HSF2BP: variants seen among roughly 807,000 people sequenced by gnomAD.
HSF2BP encodes heat shock factor 2-binding protein.
HSF2BP carries 35 observed loss-of-function variants against 35.0 expected under a neutral mutation model. The observed-to-expected ratio is 1.00, with a 90% CI of 0.76 to 1.32. The LOEUF (loss-of-function observed/expected upper bound fraction) is 1.32, where lower values mean the gene tolerates loss of function less well. Ranked by LOEUF, HSF2BP falls within the 40% of genes most tolerant of loss-of-function variation. The pLI, the probability that HSF2BP is intolerant of heterozygous loss-of-function variation, is 0.00. For missense variants in HSF2BP, 326 were observed against 321.7 expected, an observed-to-expected ratio of 1.01 and a Z score of -0.10; for synonymous variants, 114 against 117.4, an observed-to-expected ratio of 0.97 and a Z score of 0.18.
the HSF2BP span, among the ~76,000 whole-genome samples, chr21:43,499,991 A>C: frequency 1.2e-5 from 1 of 82,378 alleles, no homozygotes; most frequent in African/African-American, 6.1e-5. Flanking sequence ...TATACCACAC[A>C]CACACCCACA....
intron 7 of HSF2BP, among the ~76,000 whole-genome samples, chr21:43,599,867 C>CCAA (rs1555860558): frequency 7.5e-6 from 1 of 132,536 alleles, no homozygotes; most frequent in Non-Finnish European, 1.6e-5. Context: ...CTTCCAATGA[C>CCAA]AAAAAAAAAA....
chr21:43,651,493 C>T (rs1379903854), intron 3 of HSF2BP, among the ~76,000 whole-genome samples: 2 of 152,104 alleles, frequency 1.3e-5, no homozygotes, highest in African/African-American at 4.8e-5. Context: ...ATCTTCCACC[C>T]AATTCTTCAA....
At position 43,630,422 on chromosome 21, in the gene HSF2BP, A is replaced by G. The variant is rs2082440814; in HGVS notation, c.474T>C (p.Gly158=). The G allele has an allele frequency of 6.2e-7, 1 of 1,613,004 alleles. No individual in the cohort carries two copies. The highest frequency in any genetic ancestry group is 8.5e-7 in the Non-Finnish European group (1 of 1,179,694). ...DKALKFFSIT[G]QTMESFVKSL... ...ACTTCACAAAACTCTCCATTGTTTG[A>G]CCAGTGATGCTGAAAAACTTCAAAG... Residue 158 remains glycine, a synonymous_variant, in exon 6 of 9, where the codon GGT becomes GGC. Transcript: ENST00000291560.
chr21:43,575,837 G>C (rs1293672913), intron 8 of HSF2BP, among the ~76,000 whole-genome samples: 1 of 152,182 alleles, frequency 6.6e-6, no homozygotes, highest in Non-Finnish European at 1.5e-5. Flanking sequence ...TTCAAAAGTC[G>C]GCCAGGCGCA....
intron 6 of HSF2BP, among the ~76,000 whole-genome samples, chr21:43,623,034 C>T (rs2082348867): frequency 6.6e-6 from 1 of 151,654 alleles, no homozygotes; most frequent in Non-Finnish European, 1.5e-5. Context: ...AAACTCCTGA[C>T]CTCAAGCAGT....
At chr21:43,576,332 C>G (rs1047589360) in intron 8 of HSF2BP, among the ~76,000 whole-genome samples, 1 of 152,112 alleles carries the variant, frequency 6.6e-6, no homozygotes, top group Non-Finnish European at 1.5e-5. Flanking sequence ...TAAGTCATTT[C>G]CACCTCTTAC....
At position 43,632,968 on chromosome 21, in the gene HSF2BP, A is replaced by G. The variant is rs545729020; in HGVS notation, c.441+304T>C. On this transcript the variant is annotated intron_variant, in intron 5 of 8. Transcript: ENST00000291560. ...ACAATATTCAATAAATACTATATTA[A>G]CCATGAGATAATATATATAAAAGCA... is the stretch of plus-strand genomic sequence containing the variant. Among the ~76,000 whole-genome samples, 7 of 152,298 alleles carry G rather than the reference A, an allele frequency of 4.6e-5. 2 individuals carry two copies. The highest frequency in any genetic ancestry group is 1.7e-4 in the African/African-American group (7 of 41,564).
At chr21:43,606,851 T>G (rs1169261517) in intron 7 of HSF2BP, among the ~76,000 whole-genome samples, 1 of 152,068 alleles carries the variant, frequency 6.6e-6, no homozygotes, top group African/African-American at 2.4e-5. Flanking sequence ...AAAATTCGCA[T>G]GAGATTGGAA....
Position 43,592,294 on chromosome 21 carries a change from T to G in HSF2BP, c.727A>C (p.Asn243His), listed in dbSNP as rs779663062. The G allele has an allele frequency of 2.5e-6, 4 of 1,613,716 alleles. No homozygotes were observed. The South Asian group carries it at 3.3e-5, about 13-fold the overall frequency. The change falls in exon 8 of 9, where the codon AAT (asparagine) becomes CAT (histidine). Residue 243 changes from asparagine (N) to histidine (H), a missense_variant. Coordinates refer to ENST00000291560, the MANE Select transcript of HSF2BP (RefSeq NM_007031.2). ...CTGATGTATTTCAAGCCTTTCAAAT[T>G]GATGCTTACATTGTATAGGGACATC... is the stretch of plus-strand genomic sequence containing the variant. ...MLMSLYNVSI[N>H]LKGLKYISES... is the part of the protein sequence containing the mutation.
At chr21:43,601,804 G>C (rs1374084819) in intron 7 of HSF2BP, among the ~76,000 whole-genome samples, 1 of 152,142 alleles carries the variant, frequency 6.6e-6, no homozygotes, top group Non-Finnish European at 1.5e-5. Flanking sequence ...ACATTATCTA[G>C]ATACAGTTTG....
intron 3 of HSF2BP, among the ~76,000 whole-genome samples, chr21:43,648,591 G>A (rs922922126): frequency 2.6e-5 from 4 of 151,908 alleles, no homozygotes; most frequent in Non-Finnish European, 4.4e-5. Flanking sequence ...GCCAGGATAT[G>A]GATGTGACAC....
rs184581907 is a variant in HSF2BP at position 43,587,843 on chromosome 21, G to A, written c.796+4382C>T. Among the ~76,000 whole-genome samples, 15 of 152,226 alleles carry A rather than the reference G, an allele frequency of 9.9e-5. 1 individual carries two copies. The highest frequency in any genetic ancestry group is 9.8e-4 in the Admixed American group (15 of 15,294). On this transcript the variant is annotated intron_variant, in intron 8 of 8. Transcript: ENST00000291560. ...TGAGTGGCAGAAACTTGGGTTGCTTGCTACTGACAGAACTGCATAAATTAA... is the reference window on the plus strand; with the variant it reads ...TGAGTGGCAGAAACTTGGGTTGCTTACTACTGACAGAACTGCATAAATTAA...
intron 7 of HSF2BP, among the ~76,000 whole-genome samples, chr21:43,609,388 T>C (rs910185870): frequency 6.6e-6 from 1 of 152,148 alleles, no homozygotes; most frequent in African/African-American, 2.4e-5. Flanking sequence ...CATCACGCAA[T>C]ATACTCTTGT....
chr21:43,619,432 A>G (rs1480379992), intron 6 of HSF2BP, among the ~76,000 whole-genome samples: 1 of 152,210 alleles, frequency 6.6e-6, no homozygotes. Context: ...AGAAAACCAA[A>G]AACGAACATA....
At chr21:43,599,297 A>T (rs180893915) in intron 7 of HSF2BP, among the ~76,000 whole-genome samples, 1 of 152,228 alleles carries the variant, frequency 6.6e-6, no homozygotes, top group Non-Finnish European at 1.5e-5. Flanking sequence ...GCCAAGATAC[A>T]TCTCACAGAA....
intron 7 of HSF2BP, among the ~76,000 whole-genome samples, chr21:43,607,494 C>A (rs142281410): frequency 2.6e-5 from 4 of 152,244 alleles, no homozygotes; most frequent in Non-Finnish European, 5.9e-5. Flanking sequence ...CTGGAAGAAT[C>A]AATATCATGA....
At chr21:43,634,445 T>C (rs989565518) in intron 4 of HSF2BP, among the ~76,000 whole-genome samples, 2 of 152,376 alleles carry the variant, frequency 1.3e-5, no homozygotes, top group Admixed American at 1.3e-4. Flanking sequence ...TAAATTCATT[T>C]ATACCAAATG....
At chr21:43,655,556 G>A (rs2082855995) in intron 3 of HSF2BP, among the ~76,000 whole-genome samples, 1 of 152,194 alleles carries the variant, frequency 6.6e-6, no homozygotes, top group Non-Finnish European at 1.5e-5. Flanking sequence ...TCTCTGTTGT[G>A]GAGGGATGCA....
At chr21:43,655,410 T>C (rs1243396136) in intron 3 of HSF2BP, among the ~76,000 whole-genome samples, 3 of 151,976 alleles carry the variant, frequency 2.0e-5, no homozygotes, top group Non-Finnish European at 4.4e-5. Flanking sequence ...AGGGACCACT[T>C]ACAGAGGGGA....
Sources: allele counts gnomAD v4.1 joint callset (sites outside exome capture counted in the v4.1 genomes callset), GRCh38; gene constraint gnomAD v4.1.1; transcripts MANE v1.5; gene names NCBI Gene and HGNC (gene_info 2026-07-23, HGNC 2026-07-21).